Variants in UBB observed in about 807,000 individuals in gnomAD.
The protein encoded by UBB is ubiquitin B.
Under a neutral mutation model 12.5 loss-of-function variants are expected in UBB, and 11 were observed. That is an observed-to-expected ratio of 0.88 (90% confidence interval 0.55 to 1.45). UBB has a LOEUF of 1.45. Among genes scored for constraint, UBB ranks in the 40% most tolerant of loss-of-function variants. UBB has a pLI of 0.00. For missense variants in UBB, 76 were observed against 286.9 expected (o/e 0.26, Z 5.31); for synonymous variants, 168 against 120.1 (o/e 1.40, Z -2.61).
chr17:16,381,606 T>G (rs2093275636), intron 1 of UBB: 2 of 453,674 alleles, frequency 4.4e-6, no homozygotes, highest in East Asian at 4.4e-5. Flanking sequence ...GTGCTTAGGT[T>G]TGAGGCAGAT....
At position 16,381,894 on chromosome 17, in the gene UBB, T is replaced by A. The variant is rs754933132; in HGVS notation, c.-6-8T>A. On this transcript the variant is annotated splice_polypyrimidine_tract_variant and splice_region_variant and intron_variant, in intron 1 of 1. Coordinates refer to ENST00000302182, the MANE Select transcript of UBB (RefSeq NM_018955.4). ...AGGTGACACGCTTATGTTTTACTTT[T>A]AAACTAGGTCAAAATGCAGATCTTC... The A allele has an allele frequency of 6.2e-7, 1 of 1,613,822 alleles. No homozygotes were observed. Among genetic ancestry groups the A allele is most frequent in the Non-Finnish European group, 8.5e-7 (1 of 1,179,806 alleles).
At chr17:16,381,492 C>T (rs922587968) in intron 1 of UBB, 35 of 207,704 alleles carry the variant, frequency 1.7e-4, no homozygotes, top group Admixed American at 6.3e-4. Flanking sequence ...GAAGCCTTTA[C>T]TTTGGAATCC....
rs1304838092 is a variant in UBB, at chr17:16,381,129, T to A, written c.-62T>A. 1 of 151,874 alleles carries A rather than the reference T, an allele frequency of 6.6e-6. No individual in the cohort carries two copies. Among genetic ancestry groups the A allele is most frequent in the Non-Finnish European group, 1.5e-5 (1 of 68,078 alleles). 9.4% of individuals were successfully genotyped at this position (151,874 alleles called of 1,614,324 possible). On this transcript the variant is annotated 5_prime_UTR_variant, in exon 1 of 2. Transcript: ENST00000302182. ...TGGCTTTGTTGGGTGAGCTTGTTTGTGTCCCTGTGGGTGGACGTGGTTGGT... is the reference window on the plus strand; with the variant it reads ...TGGCTTTGTTGGGTGAGCTTGTTTGAGTCCCTGTGGGTGGACGTGGTTGGT...
rs1362296295 is a variant in UBB, at chr17:16,382,694, A to G, written c.*97A>G. 1.0e-5 allele frequency: 15 copies of G among 1,482,854 alleles called. No homozygotes were observed. The highest frequency in any genetic ancestry group is 2.8e-5 in the African/African-American group (2 of 71,396). The allele number at this position is 1,482,854 out of a possible 1,614,324, so 91.9% of individuals were successfully genotyped here. On this transcript the variant is annotated 3_prime_UTR_variant, in exon 2 of 2. Transcript: ENST00000302182. ...AGTTTAGAAATTACAAGTTTCAGTAATAGCTGAACCTGTTCAAAATGTTAA... is the reference window on the plus strand; with the variant it reads ...AGTTTAGAAATTACAAGTTTCAGTAGTAGCTGAACCTGTTCAAAATGTTAA...
At chr17:16,380,948 G>A (rs1313075863), upstream of UBB, 3 of 153,680 alleles carry the variant, frequency 2.0e-5, no homozygotes, top group East Asian at 3.9e-4. Context: ...GGAATTTGGG[G>A]CTCAGTTGAA....
At chr17:16,380,846 C>T (rs1036765575), upstream of UBB, 4 of 153,688 alleles carry the variant, frequency 2.6e-5, no homozygotes, top group African/African-American at 9.6e-5. Context: ...ATTCATCCGC[C>T]TGATAATTTT....
At chr17:16,381,651 C>G (rs1378486516) in intron 1 of UBB, 2 of 555,368 alleles carry the variant, frequency 3.6e-6, no homozygotes, top group Non-Finnish European at 6.3e-6. Context: ...ATATCCGGAA[C>G]AGTTAGTGGG....
Position 16,382,705 on chromosome 17 carries a change from T to G in UBB, c.*108T>G. ...TACAAGTTTCAGTAATAGCTGAACC[T>G]GTTCAAAATGTTAATAAAGGTTTCG... On this transcript the variant is annotated 3_prime_UTR_variant, in exon 2 of 2. Coordinates refer to ENST00000302182, the MANE Select transcript of UBB (RefSeq NM_018955.4). The G allele has an allele frequency of 7.1e-7, 1 of 1,412,708 alleles. No homozygotes were observed. The highest frequency in any genetic ancestry group is 9.6e-7 in the Non-Finnish European group (1 of 1,045,442). The allele number at this position is 1,412,708 out of a possible 1,614,324, so 87.5% of individuals were successfully genotyped here.
rs1487869507 is a variant in UBB at position 16,381,165 on chromosome 17, A to T, written c.-26A>T. On this transcript the variant is annotated 5_prime_UTR_variant, in exon 1 of 2. Coordinates refer to ENST00000302182, the MANE Select transcript of UBB (RefSeq NM_018955.4). The stretch of plus-strand genomic sequence containing the variant: ...GTGGACGTGGTTGGTGATTGGCAGG[A>T]TCCTGGTATCCGCTAACAGGTACTG... The T allele has an allele frequency of 6.8e-6, 1 of 148,138 alleles. No homozygotes were observed. The highest frequency in any genetic ancestry group is 2.5e-5 in the African/African-American group (1 of 39,942). 9.2% of individuals were successfully genotyped at this position (148,138 alleles called of 1,614,324 possible).
chr17:16,381,596 G>T, intron 1 of UBB: 1 of 427,106 alleles, frequency 2.3e-6, no homozygotes, highest in African/African-American at 2.0e-5. Flanking sequence ...GCCTAACACC[G>T]TGCTTAGGTT....
intron 1 of UBB, chr17:16,381,648 G>A (rs1032751673): frequency 3.6e-6 from 2 of 551,762 alleles, no homozygotes; most frequent in African/African-American, 3.8e-5. Context: ...TGAATATCCG[G>A]AACAGTTAGT....
intron 1 of UBB, 148 bp downstream of exon 1, chr17:16,381,332 C>T (rs568201307): frequency 7.8e-4 from 129 of 165,734 alleles, no homozygotes; most frequent in Non-Finnish European, 1.3e-3. Flanking sequence ...TGGGCCTTTC[C>T]GGGACAGTGG....
In UBB at chr17:16,382,294, C is replaced by T. The variant is rs1419932217; in HGVS notation, c.387C>T (p.Gly129=). 4 of 1,606,454 alleles carry T rather than the reference C, an allele frequency of 2.5e-6. No homozygotes were observed. Among genetic ancestry groups the T allele is most frequent in the Non-Finnish European group, 2.5e-6 (3 of 1,178,502 alleles). Residue 129 remains glycine, a synonymous_variant, in exon 2 of 2, where the codon GGC becomes GGT. Coordinates refer to ENST00000302182, the MANE Select transcript of UBB (RefSeq NM_018955.4). The part of the protein sequence containing the change: ...LIFAGKQLED[G]RTLSDYNIQK... ...TTGCAGGCAAGCAGCTGGAAGATGG[C>T]CGCACTCTTTCTGACTACAACATCC...
Position 16,382,305 on chromosome 17 carries a change from C to T in UBB, c.398C>T (p.Ser133Phe), listed in dbSNP as rs1348806048. 6.2e-7 allele frequency: 1 copy of T among 1,605,102 alleles called. No homozygotes were observed. Among genetic ancestry groups the T allele is most frequent in the Admixed American group, 1.7e-5 (1 of 58,848 alleles). The stretch of plus-strand genomic sequence containing the variant: ...CAGCTGGAAGATGGCCGCACTCTTT[C>T]TGACTACAACATCCAGAAGGAGTCG... The part of the protein sequence containing the change: ...GKQLEDGRTL[S>F]DYNIQKESTL... Residue 133 changes from serine to phenylalanine, a missense_variant, in exon 2 of 2, where the codon TCT (serine) becomes TTT (phenylalanine). By Grantham distance (155) the Ser-to-Phe change is radical. Coordinates refer to ENST00000302182, the MANE Select transcript of UBB (RefSeq NM_018955.4).
At chr17:16,381,485 G>A (rs1256713323) in intron 1 of UBB, 10 of 206,510 alleles carry the variant, frequency 4.8e-5, no homozygotes, top group Non-Finnish European at 1.0e-4. Flanking sequence ...GTTTCTGGAA[G>A]CCTTTACTTT....
chr17:16,381,421 G>A (rs1191769347), intron 1 of UBB: 1 of 179,454 alleles, frequency 5.6e-6, no homozygotes, highest in Non-Finnish European at 1.2e-5. Flanking sequence ...TAACCGATCG[G>A]CGATTCTGTC....
At position 16,381,691 on chromosome 17, in the gene UBB, C is replaced by T. The variant is rs1331582663; in HGVS notation, c.-6-211C>T. The T allele has an allele frequency of 8.8e-6, 6 of 681,828 alleles. No individual in the cohort carries two copies. In the Admixed American group the frequency reaches 9.0e-5, roughly 10 times the overall value. 42.2% of individuals were successfully genotyped at this position (681,828 alleles called of 1,614,324 possible). On this transcript the variant is annotated intron_variant, in intron 1 of 1. Coordinates refer to ENST00000302182, the MANE Select transcript of UBB (RefSeq NM_018955.4). ...GCTGTGGACGCTTGGTAAGAGAGCG[C>T]TCTGGATTTTCCGCTGTTGACGTTG...
Position 16,382,024 on chromosome 17 carries a change from C to T in UBB, c.117C>T (p.Asp39=), listed in dbSNP as rs748567714. 10 of 1,612,322 alleles carry T rather than the reference C, an allele frequency of 6.2e-6. No individual in the cohort carries two copies. Among genetic ancestry groups the T allele is most frequent in the Non-Finnish European group, 6.8e-6 (8 of 1,179,438 alleles). ...AGGATAAGGAAGGCATTCCCCCCGA[C>T]CAGCAGAGGCTCATCTTTGCAGGCA... ...KIQDKEGIPP[D]QQRLIFAGKQ... is the part of the protein sequence containing the mutation. Residue 39 remains aspartate (D), a synonymous_variant, in exon 2 of 2, where the codon GAC becomes GAT. Transcript: ENST00000302182.
At chr17:16,381,331 C>T in intron 1 of UBB, 147 bp downstream of exon 1, 1 of 167,332 alleles carries the variant, frequency 6.0e-6, no homozygotes, top group South Asian at 1.4e-4. Flanking sequence ...CTGGGCCTTT[C>T]CGGGACAGTG....
Sources: allele counts gnomAD v4.1 joint callset, GRCh38; gene constraint gnomAD v4.1.1; transcripts MANE v1.5; gene names NCBI Gene and HGNC (gene_info 2026-07-23, HGNC 2026-07-21).